UNC5C: variants seen among roughly 807,000 people sequenced by gnomAD.
UNC5C encodes netrin receptor UNC5C.
In UNC5C, 47 loss-of-function variants were observed where a neutral mutation model predicts 99.8. The ratio of observed to expected loss-of-function variants is 0.47; its 90% CI spans 0.37 to 0.60. The LOEUF (loss-of-function observed/expected upper bound fraction) is 0.60. Ranked by LOEUF, UNC5C falls within the 20% of genes least tolerant of loss-of-function variation. UNC5C has a pLI of 0.00. For synonymous variants in UNC5C, 487 were observed against 452.2 expected, an observed-to-expected ratio of 1.08 and a Z score of -0.98; for missense variants, 1,062 against 1,165.9, an observed-to-expected ratio of 0.91 and a Z score of 1.30.
At chr4:95,419,694 C>A (rs185961555) in intron 1 of UNC5C, among the ~76,000 whole-genome samples, 2 of 152,226 alleles carry the variant, frequency 1.3e-5, no homozygotes, top group East Asian at 3.9e-4. Flanking sequence ...ACCCCACTAC[C>A]CCCAAACACT....
intron 1 of UNC5C, among the ~76,000 whole-genome samples, chr4:95,346,137 G>A (rs1255174221): frequency 3.3e-5 from 5 of 151,892 alleles, no homozygotes; most frequent in Admixed American, 3.3e-4. Flanking sequence ...AGGATCATTG[G>A]AGTCTACTGT....
chr4:95,320,309 C>T lies in UNC5C; in HGVS notation c.346+15101G>A, dbSNP rs185546626. Among the ~76,000 whole-genome samples the T allele has an allele frequency of 6.1e-3, 922 of 151,088 alleles. 5 individuals carry two copies. Among genetic ancestry groups the T allele is most frequent in the African/African-American group, 0.021 (868 of 41,188 alleles). ...TGGTGGCGGGCGCCTATAATCCCAG[C>T]TACTGGGGAGGCTGAGGCAGGAGGA... On this transcript the variant is annotated intron_variant, in intron 2 of 15. Coordinates refer to ENST00000453304, the MANE Select transcript of UNC5C (RefSeq NM_003728.4).
intron 3 of UNC5C, among the ~76,000 whole-genome samples, chr4:95,283,701 T>A (rs866963638): frequency 6.6e-6 from 1 of 152,362 alleles, no homozygotes; most frequent in Non-Finnish European, 1.5e-5. Context: ...TTCAGAATAA[T>A]GTGGCCATTC....
intron 1 of UNC5C, among the ~76,000 whole-genome samples, chr4:95,400,715 A>G (rs1324175878): frequency 1.3e-5 from 2 of 152,116 alleles, no homozygotes; most frequent in African/African-American, 2.4e-5. Flanking sequence ...TTCTGCAAAC[A>G]ACCTGAGGTG....
At chr4:95,270,129 T>C (rs1740604725) in intron 4 of UNC5C, among the ~76,000 whole-genome samples, 2 of 152,190 alleles carry the variant, frequency 1.3e-5, no homozygotes, top group Admixed American at 6.5e-5. Context: ...TTTTCTTATT[T>C]CTCCCACTGG....
intron 1 of UNC5C, among the ~76,000 whole-genome samples, chr4:95,391,557 T>TATC (rs1745359356): frequency 6.6e-6 from 1 of 152,272 alleles, no homozygotes; most frequent in East Asian, 1.9e-4. Context: ...CTTTCCAATA[T>TATC]ATCTTGTATT....
chr4:95,234,019 G>A (rs1202419321), intron 7 of UNC5C, among the ~76,000 whole-genome samples: 1 of 152,052 alleles, frequency 6.6e-6, no homozygotes, highest in East Asian at 1.9e-4. Context: ...AACTTAAAAG[G>A]TAAATATAAT....
intron 1 of UNC5C, among the ~76,000 whole-genome samples, chr4:95,411,824 GT>G (rs1746001561): frequency 6.6e-6 from 1 of 152,094 alleles, no homozygotes; most frequent in South Asian, 2.1e-4. Flanking sequence ...TAGTCATTGT[GT>G]TCCCTCCAAC....
intron 12 of UNC5C, among the ~76,000 whole-genome samples, chr4:95,189,218 T>G (rs1736966286): frequency 6.6e-6 from 1 of 152,228 alleles, no homozygotes; most frequent in Non-Finnish European, 1.5e-5. Context: ...ATCCACCTGT[T>G]GCTTTGATGA....
intron 2 of UNC5C, among the ~76,000 whole-genome samples, chr4:95,327,656 G>A (rs1742938975): frequency 6.6e-6 from 1 of 151,946 alleles, no homozygotes. Context: ...ATGTATTAGG[G>A]CCTCTTCCCC....
chr4:95,481,548 CCAAGTCAA>C (rs1721156163), intron 1 of UNC5C, among the ~76,000 whole-genome samples: 1 of 152,004 alleles, frequency 6.6e-6, no homozygotes, highest in Admixed American at 6.6e-5. Flanking sequence ...GCCCACATCG[CCAAGTCAA>C]TCCTAAGCCA....
chr4:95,272,526 A>G (rs1178612458), intron 4 of UNC5C, among the ~76,000 whole-genome samples: 1 of 152,220 alleles, frequency 6.6e-6, no homozygotes, highest in East Asian at 1.9e-4. Context: ...TATCAGAAAA[A>G]AATATGGGAT....
At chr4:95,203,303 T>G (rs993945574) in intron 11 of UNC5C, among the ~76,000 whole-genome samples, 1 of 152,178 alleles carries the variant, frequency 6.6e-6, no homozygotes, top group Non-Finnish European at 1.5e-5. Context: ...CTTTCAAAAC[T>G]CACCTGACAG....
Position 95,468,087 on chromosome 4 carries a change from G to A in UNC5C, c.124+80647C>T, listed in dbSNP as rs149302207. Among the ~76,000 whole-genome samples, 107 of 151,428 alleles carry A rather than the reference G, an allele frequency of 7.1e-4. No individual in the cohort carries two copies. In the South Asian group the frequency reaches 0.016, roughly 23 times the overall value. On this transcript the variant is annotated intron_variant, in intron 1 of 15. Transcript: ENST00000453304. ...GGAGGCAGGAGAGGAAGGCATACTTGGCGGACTTTACTGAAATACATCATA... is the reference window on the plus strand; with the variant it reads ...GGAGGCAGGAGAGGAAGGCATACTTAGCGGACTTTACTGAAATACATCATA...
intron 3 of UNC5C, among the ~76,000 whole-genome samples, chr4:95,289,025 G>T (rs748870835): frequency 6.6e-6 from 1 of 152,134 alleles, no homozygotes; most frequent in African/African-American, 2.4e-5. Context: ...TTTAATCCTA[G>T]TTCTGTACTT....
chr4:95,194,781 T>A (rs1737309549), intron 12 of UNC5C, among the ~76,000 whole-genome samples: 1 of 152,186 alleles, frequency 6.6e-6, no homozygotes, highest in African/African-American at 2.4e-5. Flanking sequence ...ACTCACAGGT[T>A]TTGAATATTA....
chr4:95,478,118 G>C (rs1392569988), intron 1 of UNC5C, among the ~76,000 whole-genome samples: 1 of 151,924 alleles, frequency 6.6e-6, no homozygotes, highest in Non-Finnish European at 1.5e-5. Flanking sequence ...ATTTGAACAA[G>C]TCTTTATTAG....
chr4:95,174,698 G>C lies in UNC5C; in HGVS notation c.2452-4366C>G, dbSNP rs1736262966. Among the ~76,000 whole-genome samples the C allele has an allele frequency of 2.0e-5, 3 of 149,638 alleles. No individual in the cohort carries two copies. The South Asian group carries it at 6.4e-4, about 32-fold the overall frequency. ...AATTTTGGAATAGGTGTGGTGTGGT[G>C]CTGAAAAAAATGTATATTCTGTTGA... On this transcript the variant is annotated intron_variant, in intron 14 of 15. Coordinates refer to ENST00000453304, the MANE Select transcript of UNC5C (RefSeq NM_003728.4).
At position 95,169,295 on chromosome 4, in the gene UNC5C, A is replaced by G; in HGVS notation, c.2735T>C (p.Val912Ala). ...TTCATGTCTTCCCATTTCTTCCAAG[A>G]CAGCTGCCAGCATGCTCAGGTTTCC... ...PDGNLSMLAA[V>A]LEEMGRHETV... Residue 912 changes from valine (V) to alanine (A), a missense_variant, in exon 16 of 16, where the codon GTC (valine) becomes GCC (alanine). Transcript: ENST00000453304. 4 of 1,614,102 alleles carry G rather than the reference A, an allele frequency of 2.5e-6. No homozygotes were observed. Among genetic ancestry groups the G allele is most frequent in the African/African-American group, 1.3e-5 (1 of 74,996 alleles).
Sources: gnomAD v4.1 joint callset for allele counts (sites outside exome capture counted in the v4.1 genomes callset) on GRCh38, gnomAD v4.1.1 for gene constraint, MANE v1.5 for transcripts, NCBI Gene and HGNC (gene_info 2026-07-23, HGNC 2026-07-21) for gene names.